EVC: variants seen among roughly 807,000 people sequenced by gnomAD.
EVC encodes the protein evC complex member EVC.
Under a neutral mutation model 118.9 loss-of-function variants are expected in EVC, and 116 were observed. That is an observed-to-expected ratio of 0.98 (90% CI 0.84 to 1.14). The LOEUF is 1.14. Among genes scored for constraint, EVC ranks in the 50% most tolerant of loss-of-function variants. The pLI, the probability that EVC is intolerant of heterozygous loss-of-function variation, is 0.00. For synonymous variants in EVC, 619 were observed against 534.7 expected (o/e 1.16, Z -2.18); for missense variants, 1,401 against 1,246.4 (o/e 1.12, Z -1.87).
rs1730893695 is a variant in EVC at position 5,754,648 on chromosome 4, G to T, written c.1464+715G>T. On this transcript the variant is annotated intron_variant, in intron 10 of 20. Transcript: ENST00000264956. This position sits in a 1 kb window ranked among gnomAD's most constrained non-coding sequence, Gnocchi z 5.8. ...TTGTCCGTAACCGTCTTGCAGGCTG[G>T]TTAAGCATTGGGCGCTGAGGCCAGC... 6.6e-6 allele frequency among the ~76,000 whole-genome samples: 1 copy of T among 152,088 alleles called. No individual in the cohort carries two copies. The highest frequency in any genetic ancestry group is 1.5e-5 in the Non-Finnish European group (1 of 68,006).
Position 5,798,314 on chromosome 4 carries a change from C to G in EVC, c.2098-272C>G, listed in dbSNP as rs1423011074. 2.6e-5 allele frequency among the ~76,000 whole-genome samples: 4 copies of G among 152,308 alleles called. No homozygotes were observed. The East Asian group carries it at 5.8e-4, about 22-fold the overall frequency. Reference sequence around the variant, plus strand: ...TCTCATGATGTTCTAGAAGGATGAGCAAGGCCCCCCATCTTGTGAGGGGCC... The same window carrying G: ...TCTCATGATGTTCTAGAAGGATGAGGAAGGCCCCCCATCTTGTGAGGGGCC... On this transcript the variant is annotated intron_variant, in intron 14 of 20. Coordinates refer to ENST00000264956, the MANE Select transcript of EVC (RefSeq NM_153717.3). The surrounding 1 kb of genome is among the most constrained non-coding windows in gnomAD (Gnocchi z 4.1).
chr4:5,817,347 C>T (rs1717871259), downstream of EVC, among the ~76,000 whole-genome samples: 2 of 152,148 alleles, frequency 1.3e-5, no homozygotes, highest in African/African-American at 4.8e-5. Flanking sequence ...ACTTTGAAGT[C>T]CACATCCAGG....
chr4:5,715,720 C>T (rs111266673), intron 1 of EVC, among the ~76,000 whole-genome samples: 6 of 146,854 alleles, frequency 4.1e-5, no homozygotes, highest in South Asian at 2.2e-4. Flanking sequence ...TCCAGAATTT[C>T]GAAGGCATTT....
Position 5,751,987 on chromosome 4 carries a change from G to A in EVC, c.1099-849G>A, listed in dbSNP as rs561217997. Among the ~76,000 whole-genome samples, 22 of 152,288 alleles carry A rather than the reference G, an allele frequency of 1.4e-4. No individual in the cohort carries two copies. In the South Asian group the frequency reaches 3.7e-3, roughly 26 times the overall value. On this transcript the variant is annotated intron_variant, in intron 8 of 20. Coordinates refer to ENST00000264956, the MANE Select transcript of EVC (RefSeq NM_153717.3). ...AGCAACAGGAGGGTTTGGGGCCATG[G>A]CTGACAGAACCATCAGCATCTCTGA...
chr4:5,809,035 C>T (rs1268149308), intron 18 of EVC, among the ~76,000 whole-genome samples: 1 of 152,188 alleles, frequency 6.6e-6, no homozygotes, highest in African/African-American at 2.4e-5. Context: ...CACACACTTT[C>T]CAACAAAAGA....
chr4:5,806,652 C>T (rs564752570), intron 17 of EVC, among the ~76,000 whole-genome samples: 2 of 152,128 alleles, frequency 1.3e-5, no homozygotes, highest in Non-Finnish European at 1.5e-5. Context: ...AATGAACACA[C>T]GAGAGCAGGT....
In EVC at chr4:5,804,523, C is replaced by T. The variant is rs73077529; in HGVS notation, c.2450-207C>T. 0.015 allele frequency among the ~76,000 whole-genome samples: 2,256 copies of T among 152,234 alleles called. 57 individuals carry two copies. The highest frequency in any genetic ancestry group is 0.051 in the African/African-American group (2,102 of 41,540). On this transcript the variant is annotated intron_variant, in intron 16 of 20. Transcript: ENST00000264956. The stretch of plus-strand genomic sequence containing the variant: ...CTACAGGTGGAGCAGGTGGACAGGG[C>T]GCATCATAGTTTCGCTCTGCAGTGC...
At chr4:5,804,705 G>C in intron 16 of EVC, 25 bp from the exon 17 acceptor site, 1 of 1,607,412 alleles carries the variant, frequency 6.2e-7, no homozygotes, top group Non-Finnish European at 8.5e-7. Context: ...CAGACCCCTT[G>C]ATTGTCCTGT....
intron 5 of EVC, among the ~76,000 whole-genome samples, chr4:5,740,472 A>T: frequency 1.9e-5 from 1 of 52,234 alleles, no homozygotes; most frequent in Non-Finnish European, 3.8e-5. Context: ...CTCCATCTCA[A>T]AAAAAAAAAA....
At chr4:5,777,288 T>A (rs1276506198) in intron 11 of EVC, among the ~76,000 whole-genome samples, 1 of 152,182 alleles carries the variant, frequency 6.6e-6, no homozygotes, top group Non-Finnish European at 1.5e-5. Context: ...CAGGTTACAG[T>A]TTGTATAACG....
At chr4:5,824,029 TAA>T in the EVC span, among the ~76,000 whole-genome samples, 1 of 152,202 alleles carries the variant, frequency 6.6e-6, no homozygotes, top group Non-Finnish European at 1.5e-5. Context: ...TCAGGAGGAC[TAA>T]GAGTGAAACT....
the EVC span, among the ~76,000 whole-genome samples, chr4:5,827,391 T>C: frequency 6.6e-6 from 1 of 152,174 alleles, no homozygotes; most frequent in Non-Finnish European, 1.5e-5. Context: ...GTGCAAAGCA[T>C]CTGTGCGACT....
chr4:5,748,760 T>TCATC (rs1560331567), intron 8 of EVC, among the ~76,000 whole-genome samples: 1 of 29,038 alleles, frequency 3.4e-5, no homozygotes, highest in South Asian at 1.3e-3. Context: ...ATCCATTTAC[T>TCATC]CATCCATCCA....
rs748061374 is a variant in EVC at position 5,793,730 on chromosome 4, C to T, written c.1886+13C>T. On this transcript the variant is annotated intron_variant, in intron 13 of 20. Transcript: ENST00000264956. ...GCCTCACTGAAGAGTGAGTACAGCT[C>T]CCTGAAGGCCCAGGGCTTTGTGTCC... 7.8e-6 allele frequency: 12 copies of T among 1,539,464 alleles called. No individual in the cohort carries two copies. The South Asian group carries it at 1.4e-4, about 18-fold the overall frequency.
intron 12 of EVC, among the ~76,000 whole-genome samples, chr4:5,792,619 G>A (rs16837688): frequency 0.33 from 49,634 of 152,070 alleles, 8,846 homozygotes; most frequent in African/African-American, 0.45. Context: ...ATGAGCAGAC[G>A]CTCCTACATC....
intron 11 of EVC, among the ~76,000 whole-genome samples, chr4:5,759,986 C>T (rs779564910): frequency 6.6e-6 from 1 of 151,804 alleles, no homozygotes; most frequent in Non-Finnish European, 1.5e-5. Flanking sequence ...GACAGGAAGA[C>T]TCCAAGCGGG....
chr4:5,718,960 C>T (rs919462748), intron 1 of EVC, among the ~76,000 whole-genome samples: 1 of 152,194 alleles, frequency 6.6e-6, no homozygotes, highest in Non-Finnish European at 1.5e-5. Flanking sequence ...ACGAGCTTTG[C>T]TCTGCCTCTT....
At position 5,810,421 on chromosome 4, in the gene EVC, C is replaced by T. The variant is rs1333691963; in HGVS notation, c.2865C>T (p.Ala955=). The T allele has an allele frequency of 1.2e-6, 2 of 1,613,088 alleles. No individual in the cohort carries two copies. The highest frequency in any genetic ancestry group is 1.1e-5 in the South Asian group (1 of 90,624). The change falls in exon 20 of 21, where the codon GCC becomes GCT. Residue 955 remains alanine, a synonymous_variant. Coordinates refer to ENST00000264956, the MANE Select transcript of EVC (RefSeq NM_153717.3). ...DLGVPNNEDL[A]SGDQTSGSLS... is the part of the protein sequence containing the mutation. ...GGGTGCCCAACAATGAGGACCTTGC[C>T]TCCGGGGACCAGACCTCAGGCTCAC...
chr4:5,799,688 G>A (rs1049896892), intron 15 of EVC, among the ~76,000 whole-genome samples: 6 of 152,152 alleles, frequency 3.9e-5, no homozygotes, highest in Admixed American at 6.5e-5. Context: ...CCCTGGCATC[G>A]GGAAGTGCAG....
Sources: gnomAD v4.1 joint callset for allele counts (sites outside exome capture counted in the v4.1 genomes callset) on GRCh38, gnomAD v4.1.1 for gene constraint, Gnocchi (gnomAD v3.1) non-coding constraint, MANE v1.5 for transcripts, NCBI Gene and HGNC (gene_info 2026-07-23, HGNC 2026-07-21) for gene names.